CREBRF: variants seen among roughly 807,000 people sequenced by gnomAD.
CREBRF encodes CREB3 regulatory factor.
Under a neutral mutation model 66.1 loss-of-function variants are expected in CREBRF, and 5 were observed. The observed-to-expected ratio is 0.08, with a 90% CI of 0.04 to 0.16. The LOEUF is 0.16. Ranked by LOEUF, CREBRF falls within the 10% of genes least tolerant of loss-of-function variation. CREBRF has a pLI of 1.00. For synonymous variants in CREBRF, 229 were observed against 264.4 expected, an observed-to-expected ratio of 0.87 and a Z score of 1.30; for missense variants, 531 against 744.9, an observed-to-expected ratio of 0.71 and a Z score of 3.34.
At position 173,091,667 on chromosome 5, in the gene CREBRF, A is replaced by G. The variant is rs1758344064; in HGVS notation, c.1222+266A>G. On this transcript the variant is annotated intron_variant, in intron 4 of 8. Transcript: ENST00000296953. The stretch of plus-strand genomic sequence containing the variant: ...TCTTATTTTTAAAATTAAAATAGAG[A>G]TGAGAGCTTGCCACTGTGCCCAGCT... The G allele has an allele frequency of 6.2e-6, 7 of 1,129,694 alleles. No homozygotes were observed. The African/African-American group carries it at 1.1e-4, about 19-fold the overall frequency. 70.0% of individuals were successfully genotyped at this position (1,129,694 alleles called of 1,614,324 possible). A position where few individuals can be genotyped will look rare whatever the true frequency, so the allele number is the denominator to read the frequency against.
intron 3 of CREBRF, among the ~76,000 whole-genome samples, chr5:173,089,666 A>C (rs1245475073): frequency 6.6e-6 from 1 of 151,682 alleles, no homozygotes; most frequent in Non-Finnish European, 1.5e-5. Context: ...TACTTTAAAA[A>C]AAAAAAAAAA....
chr5:173,109,728 G>T (rs576314979), intron 5 of CREBRF: 2 of 152,206 alleles, frequency 1.3e-5, no homozygotes, highest in African/African-American at 4.8e-5. Context: ...AGTTGCAAAG[G>T]ATTTTTGAGG....
chr5:173,099,520 A>G (rs1758563191), intron 4 of CREBRF, among the ~76,000 whole-genome samples: 1 of 152,150 alleles, frequency 6.6e-6, no homozygotes, highest in Non-Finnish European at 1.5e-5. Context: ...TTGGTTTTCT[A>G]TTCATTCAGC....
intron 4 of CREBRF, among the ~76,000 whole-genome samples, chr5:173,101,652 A>G (rs1758630474): frequency 6.6e-6 from 1 of 151,902 alleles, no homozygotes; most frequent in South Asian, 2.1e-4. Context: ...TCCTGGGTTC[A>G]AGTGATTCTC....
chr5:173,070,870 G>C (rs1757577550), intron 1 of CREBRF, among the ~76,000 whole-genome samples: 1 of 152,096 alleles, frequency 6.6e-6, no homozygotes, highest in Non-Finnish European at 1.5e-5. Flanking sequence ...TATCCAGAAG[G>C]ACATGTGGTC....
chr5:173,137,623 T>A lies in CREBRF; in HGVS notation c.*3878T>A, dbSNP rs1204218301. 6.6e-6 allele frequency: 1 copy of A among 152,008 alleles called. No individual in the cohort carries two copies. The highest frequency in any genetic ancestry group is 1.5e-5 in the Non-Finnish European group (1 of 67,942). 9.4% of individuals were successfully genotyped at this position (152,008 alleles called of 1,614,324 possible). A position where few individuals can be genotyped will look rare whatever the true frequency, so the allele number is the denominator to read the frequency against. On this transcript the variant is annotated 3_prime_UTR_variant, in exon 9 of 9. Transcript: ENST00000296953. ...GTTTTATAAAAACAGATGACAAGTC[T>A]CTTTAAAAGAAACAGAAGTACAGTA...
intron 8 of CREBRF, among the ~76,000 whole-genome samples, chr5:173,129,183 C>T (rs1759347475): frequency 7.4e-6 from 1 of 134,446 alleles, no homozygotes; most frequent in Non-Finnish European, 1.5e-5. Context: ...GTGGCGCGAT[C>T]TCGGCTCACT....
At chr5:173,101,838 C>T (rs183614068) in intron 4 of CREBRF, among the ~76,000 whole-genome samples, 12 of 152,252 alleles carry the variant, frequency 7.9e-5, no homozygotes, top group African/African-American at 2.6e-4. Flanking sequence ...TGTGAGCCAC[C>T]GCGCCCGGCC....
In CREBRF at chr5:173,090,945, C is replaced by T. The variant is rs576146005; in HGVS notation, c.766C>T (p.His256Tyr). 4.8e-5 allele frequency: 77 copies of T among 1,614,186 alleles called. 1 individual carries two copies. In the South Asian group the frequency reaches 8.3e-4, roughly 17 times the overall value. The change falls in exon 4 of 9, where the codon CAC becomes TAC. Residue 256 changes from histidine (H) to tyrosine (Y), a missense_variant. By Grantham distance (83) the His-to-Tyr change is moderately conservative (BLOSUM62 2). Around this residue, in one of 5 missense-constraint regions of CREBRF, gnomAD observed 309 missense variants for 341.4 expected, o/e 0.90. Coordinates refer to ENST00000296953, the MANE Select transcript of CREBRF (RefSeq NM_153607.3). This position sits in a 1 kb window ranked among gnomAD's most constrained non-coding sequence, Gnocchi z 4.5. ...QQSRPLLSQIHTDAAKENTCY... is the reference protein window; with the variant it reads ...QQSRPLLSQIYTDAAKENTCY... ...GAGCCGGCCCTTGTTGAGCCAGATT[C>T]ACACAGATGCAGCAAAGGAGAACAC...
At chr5:173,079,466 TAA>T (rs57288779) in intron 1 of CREBRF, among the ~76,000 whole-genome samples, 66 of 130,950 alleles carry the variant, frequency 5.0e-4, no homozygotes, top group South Asian at 7.3e-4. Context: ...CTGTCTTTTT[TAA>T]AAAAAAAAAA....
At chr5:173,117,733 T>A (rs942481362) in intron 7 of CREBRF, among the ~76,000 whole-genome samples, 13 of 147,764 alleles carry the variant, frequency 8.8e-5, no homozygotes, top group Non-Finnish European at 1.8e-4. Flanking sequence ...ATCTTTCTTG[T>A]CTTTCCTCGC....
intron 4 of CREBRF, among the ~76,000 whole-genome samples, chr5:173,100,518 G>T (rs1462569510): frequency 6.6e-6 from 1 of 151,794 alleles, no homozygotes; most frequent in Non-Finnish European, 1.5e-5. Context: ...CCACCTCCCG[G>T]GTTCAAGCGA....
At chr5:173,124,919 CT>C (rs373993898) in intron 8 of CREBRF, among the ~76,000 whole-genome samples, 50,515 of 112,278 alleles carry the variant, frequency 0.45, 8,453 homozygotes, top group Middle Eastern at 0.58. Context: ...TCTTCTTCTT[CT>C]TTTTTTTTTT....
intron 6 of CREBRF, among the ~76,000 whole-genome samples, chr5:173,111,483 C>T (rs1283727907): frequency 2.6e-5 from 4 of 152,162 alleles, no homozygotes; most frequent in African/African-American, 4.8e-5. Context: ...CCCAGGCCTC[C>T]CAAAGTGCTG....
intron 8 of CREBRF, among the ~76,000 whole-genome samples, chr5:173,130,406 G>T (rs1463133907): frequency 1.3e-5 from 2 of 151,876 alleles, no homozygotes; most frequent in East Asian, 3.9e-4. Context: ...TACTTATTTT[G>T]TCTGTCAACT....
chr5:173,063,123 G>A (rs1006969018), intron 1 of CREBRF, among the ~76,000 whole-genome samples: 6 of 152,226 alleles, frequency 3.9e-5, no homozygotes, highest in African/African-American at 1.4e-4. Flanking sequence ...TTGACGCAGG[G>A]TGCGGCAGTA....
intron 8 of CREBRF, 94 bp from the exon 9 acceptor site, chr5:173,133,536 G>A (rs1479563432): frequency 3.2e-6 from 2 of 623,362 alleles, no homozygotes; most frequent in Non-Finnish European, 5.7e-6. Flanking sequence ...CAAGCTGAGG[G>A]CCACACCTGA....
At chr5:173,089,216 AACACAC>A (rs113514387) in intron 3 of CREBRF, among the ~76,000 whole-genome samples, 5 of 145,692 alleles carry the variant, frequency 3.4e-5, no homozygotes, top group African/African-American at 7.6e-5. Flanking sequence ...ATACACAGAC[AACACAC>A]ACACACACAC....
intron 2 of CREBRF, among the ~76,000 whole-genome samples, chr5:173,084,233 C>T (rs974345989): frequency 1.3e-5 from 2 of 152,082 alleles, no homozygotes; most frequent in Non-Finnish European, 2.9e-5. Flanking sequence ...TCCTCCTCCC[C>T]TTAAGGGCTA....
Sources: allele counts gnomAD v4.1 joint callset (sites outside exome capture counted in the v4.1 genomes callset), GRCh38; gene constraint gnomAD v4.1.1; regional missense constraint gnomAD v4.1.1; non-coding constraint Gnocchi (gnomAD v3.1); transcripts MANE v1.5; gene names NCBI Gene and HGNC (gene_info 2026-07-23, HGNC 2026-07-21).